Variants in SLC24A4 observed in about 807,000 individuals in gnomAD.
SLC24A4 encodes sodium/potassium/calcium exchanger 4.
Under a neutral mutation model 79.0 loss-of-function variants are expected in SLC24A4, and 53 were observed. The observed-to-expected ratio is 0.67, with a 90% CI of 0.54 to 0.84. SLC24A4 has a LOEUF of 0.84. Ranked by LOEUF, SLC24A4 falls within the 40% of genes least tolerant of loss-of-function variation. SLC24A4 has a pLI of 0.00. For synonymous variants in SLC24A4, 323 were observed against 323.8 expected (o/e 1.00, Z 0.03); for missense variants, 731 against 822.0 (o/e 0.89, Z 1.35).
Position 92,445,329 on chromosome 14 carries a change from G to T in SLC24A4, c.670G>T (p.Glu224Ter). 1 of 1,614,070 alleles carries T rather than the reference G, an allele frequency of 6.2e-7. No individual in the cohort carries two copies. ...VIVLIVFIYD[E>*]QIVWWEGLVL... ...TTTTGCCTTACAGTTCATATATGAT[G>T]AACAAATTGTGTGGTAAGTTTTTCA... The change falls in exon 8 of 17, where the codon GAA becomes TAA. Residue 224 changes from glutamate to a stop codon, truncating the protein, a stop_gained. Coordinates refer to ENST00000532405, the MANE Select transcript of SLC24A4 (RefSeq NM_153646.4). LOFTEE classifies it high-confidence loss of function.
At chr14:92,468,224 T>C (rs190879608) in intron 12 of SLC24A4, among the ~76,000 whole-genome samples, 3 of 152,308 alleles carry the variant, frequency 2.0e-5, no homozygotes, top group Admixed American at 1.3e-4. Flanking sequence ...GTACAAGACT[T>C]GTATGCTGAA....
intron 2 of SLC24A4, among the ~76,000 whole-genome samples, chr14:92,328,857 C>T (rs1292485739): frequency 1.3e-5 from 2 of 152,250 alleles, no homozygotes; most frequent in African/African-American, 4.8e-5. Context: ...GAAGCTGCCA[C>T]GCCTACCACC....
chr14:92,348,684 A>G (rs1168537360), intron 2 of SLC24A4, among the ~76,000 whole-genome samples: 1 of 152,188 alleles, frequency 6.6e-6, no homozygotes, highest in East Asian at 1.9e-4. Context: ...ATACTAAGAC[A>G]AGATTGCCAC....
In SLC24A4 at chr14:92,486,656, C is replaced by T. The variant is rs749735843; in HGVS notation, c.1423-10C>T. 6.3e-7 allele frequency: 1 copy of T among 1,584,202 alleles called. No homozygotes were observed. Among genetic ancestry groups the T allele is most frequent in the South Asian group, 1.1e-5 (1 of 90,432 alleles). ...GTTGAGAGTTCATGTCTCCACCCCA[C>T]ATTCTGCAGGTGACTATTATCGGAT... On this transcript the variant is annotated splice_polypyrimidine_tract_variant and intron_variant, in intron 13 of 16. Coordinates refer to ENST00000532405, the MANE Select transcript of SLC24A4 (RefSeq NM_153646.4).
intron 2 of SLC24A4, among the ~76,000 whole-genome samples, chr14:92,386,907 C>T (rs779187691): frequency 6.6e-6 from 1 of 152,176 alleles, no homozygotes; most frequent in Non-Finnish European, 1.5e-5. Context: ...GCTCCTATAG[C>T]TGTGGAAATG....
chr14:92,498,020 A>T lies in SLC24A4; in HGVS notation c.*4392A>T, dbSNP rs1045707566. 1 of 152,348 alleles carries T rather than the reference A, an allele frequency of 6.6e-6. No homozygotes were observed. The highest frequency in any genetic ancestry group is 2.4e-5 in the African/African-American group (1 of 41,570). 9.4% of individuals were successfully genotyped at this position (152,348 alleles called of 1,614,324 possible). A position where few individuals can be genotyped will look rare whatever the true frequency, so the allele number is the denominator to read the frequency against. ...TCCCCTGGGGGCAGTTAGCAGGAGT[A>T]CGTGGGGCACGTGAGGTGGTCCTCC... is the stretch of plus-strand genomic sequence containing the variant. On this transcript the variant is annotated 3_prime_UTR_variant, in exon 17 of 17. Transcript: ENST00000532405.
chr14:92,330,505 T>C (rs2141595004), intron 2 of SLC24A4, among the ~76,000 whole-genome samples: 1 of 152,336 alleles, frequency 6.6e-6, no homozygotes, highest in South Asian at 2.1e-4. Context: ...GAAGCAGGTC[T>C]CTCCATGCCA....
At chr14:92,332,975 C>T (rs958805640) in intron 2 of SLC24A4, among the ~76,000 whole-genome samples, 2 of 152,154 alleles carry the variant, frequency 1.3e-5, no homozygotes, top group Admixed American at 1.3e-4. Context: ...CCTTGTAGAA[C>T]GTGCTTCTAA....
At chr14:92,403,556 C>T (rs11621475) in intron 2 of SLC24A4, among the ~76,000 whole-genome samples, 43,571 of 149,688 alleles carry the variant, frequency 0.29, 7,164 homozygotes, top group East Asian at 0.6. Flanking sequence ...TGCAGTGAGC[C>T]GAGATTGCAC....
At position 92,456,415 on chromosome 14, in the gene SLC24A4, G is replaced by A; in HGVS notation, c.1062G>A (p.Leu354=). 2 of 1,614,208 alleles carry A rather than the reference G, an allele frequency of 1.2e-6. No individual in the cohort carries two copies. The highest frequency in any genetic ancestry group is 1.7e-6 in the Non-Finnish European group (2 of 1,180,034). The part of the protein sequence containing the change: ...SRIIINERQR[L]INSANGVSSK... The stretch of plus-strand genomic sequence containing the variant: ...TCCTGTCCACACAGCGGCAGAGACT[G>A]ATCAACTCGGCCAATGGTGTGAGCA... The change falls in exon 12 of 17, where the codon CTG becomes CTA. Residue 354 remains leucine, a synonymous_variant. Coordinates refer to ENST00000532405, the MANE Select transcript of SLC24A4 (RefSeq NM_153646.4).
intron 2 of SLC24A4, among the ~76,000 whole-genome samples, chr14:92,372,295 C>T (rs1367892770): frequency 1.3e-5 from 2 of 152,156 alleles, no homozygotes; most frequent in Non-Finnish European, 2.9e-5. Flanking sequence ...TTCCACGCCA[C>T]CTCCCTGTCC....
chr14:92,402,547 T>C (rs182168455), intron 2 of SLC24A4, among the ~76,000 whole-genome samples: 6 of 152,242 alleles, frequency 3.9e-5, no homozygotes, highest in Admixed American at 2.6e-4. Context: ...TCTATATTAG[T>C]CAATTTTCAT....
chr14:92,448,940 C>A, intron 9 of SLC24A4, 134 bp from the exon 10 acceptor site: 1 of 1,049,336 alleles, frequency 9.5e-7, no homozygotes, highest in Non-Finnish European at 1.4e-6. Flanking sequence ...AAAGCTGAGG[C>A]TCCACACCTC....
At chr14:92,448,524 G>C (rs1272246347) in intron 9 of SLC24A4, among the ~76,000 whole-genome samples, 2 of 152,128 alleles carry the variant, frequency 1.3e-5, no homozygotes, top group Non-Finnish European at 2.9e-5. Context: ...TATAAAGATG[G>C]GTGATAAACT....
chr14:92,449,257 G>T (rs761729969), intron 10 of SLC24A4, 41 bp downstream of exon 10: 2 of 1,595,654 alleles, frequency 1.3e-6, no homozygotes, highest in African/African-American at 2.7e-5. Context: ...ATGTGTCCTG[G>T]AAGCCACTCT....
intron 3 of SLC24A4, among the ~76,000 whole-genome samples, chr14:92,438,285 T>G (rs1892288338): frequency 6.6e-6 from 1 of 152,206 alleles, no homozygotes; most frequent in Non-Finnish European, 1.5e-5. Context: ...GACTTCCATT[T>G]ACCAATTTAT....
At chr14:92,482,132 A>C (rs1895098483) in intron 12 of SLC24A4, among the ~76,000 whole-genome samples, 1 of 152,228 alleles carries the variant, frequency 6.6e-6, no homozygotes, top group South Asian at 2.1e-4. Flanking sequence ...ACACTCTGTC[A>C]TATCATTCTT....
chr14:92,451,910 C>T, intron 10 of SLC24A4: 1 of 152,744 alleles, frequency 6.5e-6, no homozygotes, highest in Non-Finnish European at 1.5e-5. Context: ...TGGCCTGGGG[C>T]TGGACTGCTG....
intron 2 of SLC24A4, among the ~76,000 whole-genome samples, chr14:92,418,576 T>G (rs1891109347): frequency 6.6e-6 from 1 of 152,228 alleles, no homozygotes; most frequent in African/African-American, 2.4e-5. Flanking sequence ...GTCCAAAATC[T>G]GTATGCCAGG....
Sources: allele counts gnomAD v4.1 joint callset (sites outside exome capture counted in the v4.1 genomes callset), GRCh38; gene constraint gnomAD v4.1.1; transcripts MANE v1.5; gene names NCBI Gene and HGNC (gene_info 2026-07-23, HGNC 2026-07-21).